Variants in ANXA10 observed in about 807,000 individuals in gnomAD.
The protein encoded by ANXA10 is annexin A10.
Under a neutral mutation model 53.5 loss-of-function variants are expected in ANXA10, and 49 were observed. That is an observed-to-expected ratio of 0.92 (90% CI 0.73 to 1.16). The LOEUF (loss-of-function observed/expected upper bound fraction) is 1.16, where lower values mean the gene tolerates loss of function less well. ANXA10 is among the 50% of genes most tolerant of loss of function. The pLI is 0.00. For synonymous variants in ANXA10, 131 were observed against 128.9 expected (o/e 1.02, Z -0.11); for missense variants, 393 against 394.4 (o/e 1.00, Z 0.03).
At chr4:168,177,469 G>A (rs546158580) in intron 6 of ANXA10, among the ~76,000 whole-genome samples, 1 of 152,168 alleles carries the variant, frequency 6.6e-6, no homozygotes, top group Non-Finnish European at 1.5e-5. Context: ...ACTGCACAGA[G>A]ACTTGGAAAA....
intron 3 of ANXA10, among the ~76,000 whole-genome samples, chr4:168,142,026 G>A (rs988227227): frequency 3.9e-5 from 6 of 152,052 alleles, no homozygotes; most frequent in Admixed American, 2.6e-4. Flanking sequence ...TGGTACTTGT[G>A]CCTATATATC....
At chr4:168,180,926 T>G (rs1233897806) in intron 9 of ANXA10, among the ~76,000 whole-genome samples, 1 of 152,174 alleles carries the variant, frequency 6.6e-6, no homozygotes, top group African/African-American at 2.4e-5. Flanking sequence ...AGAACTAGTC[T>G]AGACCAGTTG....
chr4:168,120,459 A>C (rs1397495313), intron 1 of ANXA10, among the ~76,000 whole-genome samples: 1 of 152,106 alleles, frequency 6.6e-6, no homozygotes, highest in Non-Finnish European at 1.5e-5. Context: ...AGGAACAAAA[A>C]AGCCTGGGTA....
chr4:168,136,590 G>A (rs185071450), intron 2 of ANXA10, among the ~76,000 whole-genome samples: 20 of 152,198 alleles, frequency 1.3e-4, no homozygotes, highest in Admixed American at 1.2e-3. Context: ...TCATATCCAG[G>A]CCACACTGAT....
intron 1 of ANXA10, among the ~76,000 whole-genome samples, chr4:168,122,148 A>G (rs879883233): frequency 1.3e-5 from 2 of 152,104 alleles, no homozygotes; most frequent in Non-Finnish European, 2.9e-5. Context: ...CCAGTTTTTC[A>G]GCTTTTTACT....
intron 1 of ANXA10, among the ~76,000 whole-genome samples, chr4:168,121,842 T>G (rs1322423289): frequency 6.6e-6 from 1 of 152,128 alleles, no homozygotes; most frequent in Non-Finnish European, 1.5e-5. Flanking sequence ...TTTTGTTTTT[T>G]GTTTTGTTTT....
At chr4:168,183,919 T>G (rs549882870) in intron 10 of ANXA10, among the ~76,000 whole-genome samples, 2 of 152,320 alleles carry the variant, frequency 1.3e-5, no homozygotes, top group South Asian at 4.1e-4. Flanking sequence ...GATTACTCTG[T>G]TTGGAAAGAC....
In ANXA10 at chr4:168,187,691, T is replaced by C. The variant is rs1215034536; in HGVS notation, c.*257T>C. On this transcript the variant is annotated 3_prime_UTR_variant, in exon 12 of 12. Coordinates refer to ENST00000359299, the MANE Select transcript of ANXA10 (RefSeq NM_007193.5). ...TGTGCATGATGGAATAATAGAAAAA[T>C]TGCATTGGAATAGATTTTATTTAAA... 2 of 279,434 alleles carry C rather than the reference T, an allele frequency of 7.2e-6. No individual in the cohort carries two copies. The highest frequency in any genetic ancestry group is 1.2e-4 in the East Asian group (2 of 16,032). 17.3% of individuals were successfully genotyped at this position (279,434 alleles called of 1,614,324 possible).
chr4:168,130,164 C>T (rs1731135141), intron 2 of ANXA10, among the ~76,000 whole-genome samples: 1 of 152,094 alleles, frequency 6.6e-6, no homozygotes, highest in Non-Finnish European at 1.5e-5. Context: ...AGTTTGCTAA[C>T]AGTTTTTAAC....
At chr4:168,175,148 A>AC (rs1732102015) in intron 6 of ANXA10, among the ~76,000 whole-genome samples, 1 of 152,200 alleles carries the variant, frequency 6.6e-6, no homozygotes, top group Non-Finnish European at 1.5e-5. Context: ...ACTGAGGAGT[A>AC]ACCAATAAAA....
At chr4:168,162,465 T>G in intron 3 of ANXA10, 63 bp from the exon 4 acceptor site, 8 of 1,105,396 alleles carry the variant, frequency 7.2e-6, no homozygotes, top group Non-Finnish European at 1.1e-5. Context: ...CTTTCTGCAA[T>G]TATCTCATTT....
At chr4:168,172,021 C>T (rs892464928) in intron 6 of ANXA10, among the ~76,000 whole-genome samples, 1 of 152,166 alleles carries the variant, frequency 6.6e-6, no homozygotes, top group Non-Finnish European at 1.5e-5. Context: ...ATCAATTCAT[C>T]GCCTCCAAAT....
At chr4:168,098,907 C>T (rs1272626112) in intron 1 of ANXA10, among the ~76,000 whole-genome samples, 1 of 152,074 alleles carries the variant, frequency 6.6e-6, no homozygotes, top group African/African-American at 2.4e-5. Context: ...CAACTTCACT[C>T]ACAGCAACTT....
At chr4:168,163,017 AT>A (rs1310966133) in intron 4 of ANXA10, among the ~76,000 whole-genome samples, 1 of 152,220 alleles carries the variant, frequency 6.6e-6, no homozygotes, top group African/African-American at 2.4e-5. Flanking sequence ...TTGTTACATT[AT>A]TTGTAAAAAT....
intron 3 of ANXA10, among the ~76,000 whole-genome samples, chr4:168,145,300 A>T (rs1370796077): frequency 6.6e-6 from 1 of 152,178 alleles, no homozygotes; most frequent in Non-Finnish European, 1.5e-5. Context: ...CAATTTAGGG[A>T]GGTTCAGAAT....
At chr4:168,094,112 T>C (rs1723144194) in intron 1 of ANXA10, among the ~76,000 whole-genome samples, 2 of 152,190 alleles carry the variant, frequency 1.3e-5, no homozygotes. Context: ...TTGTGTGGTC[T>C]AATGTTACTA....
intron 1 of ANXA10, among the ~76,000 whole-genome samples, chr4:168,106,160 ATTG>A (rs1730716627): frequency 6.6e-6 from 1 of 152,030 alleles, no homozygotes; most frequent in Non-Finnish European, 1.5e-5. Context: ...CTTTGTTGCA[ATTG>A]TTGTTGGTAT....
rs766004264 is a variant in ANXA10 at position 168,139,550 on chromosome 4, T to G, written c.165T>G (p.Ile55Met). 6.2e-7 allele frequency: 1 copy of G among 1,612,662 alleles called. No homozygotes were observed. Among genetic ancestry groups the G allele is most frequent in the Non-Finnish European group, 8.5e-7 (1 of 1,178,910 alleles). The change falls in exon 3 of 12, where the codon ATT becomes ATG. Residue 55 changes from isoleucine to methionine, a missense_variant. Physicochemically the swap from Ile to Met is conservative, Grantham distance 10. Coordinates refer to ENST00000359299, the MANE Select transcript of ANXA10 (RefSeq NM_007193.5). ...TQRCNAQRMMIAEAYQSMYGR... is the reference protein window; with the variant it reads ...TQRCNAQRMMMAEAYQSMYGR... ...GCTGCAATGCACAAAGGATGATGAT[T>G]GCAGAGGCATACCAGAGCATGTATG...
At chr4:168,100,291 T>C (rs1378013015) in intron 1 of ANXA10, among the ~76,000 whole-genome samples, 2 of 152,158 alleles carry the variant, frequency 1.3e-5, no homozygotes, top group Non-Finnish European at 2.9e-5. Context: ...TTCTCTCATC[T>C]GATTTTGATT....
Sources: gnomAD v4.1 joint callset for allele counts (sites outside exome capture counted in the v4.1 genomes callset) on GRCh38, gnomAD v4.1.1 for gene constraint, MANE v1.5 for transcripts, NCBI Gene and HGNC (gene_info 2026-07-23, HGNC 2026-07-21) for gene names.